MTUS2: variants seen among roughly 807,000 people sequenced by gnomAD.
MTUS2 encodes microtubule-associated tumor suppressor candidate 2.
MTUS2 carries 40 observed loss-of-function variants against 114.1 expected under a neutral mutation model. That is an observed-to-expected ratio of 0.35 (90% CI 0.27 to 0.46). MTUS2 has a LOEUF of 0.46. Ranked by LOEUF, MTUS2 falls within the 20% of genes least tolerant of loss-of-function variation. The pLI is 1.00. For synonymous variants in MTUS2, 688 were observed against 672.0 expected (o/e 1.02, Z -0.37); for missense variants, 1,679 against 1,705.4 (o/e 0.98, Z 0.27).
At chr13:29,229,969 G>A (rs12583806) in intron 5 of MTUS2, among the ~76,000 whole-genome samples, 99 of 152,284 alleles carry the variant, frequency 6.5e-4, no homozygotes, top group African/African-American at 2.1e-3. Flanking sequence ...GTATTGGGCC[G>A]GGCACAATGG....
rs1464004117 is a variant in MTUS2, at chr13:28,946,299, GTGTGT to G, written c.-242-78157_-242-78153del. On this transcript the variant is annotated intron_variant, in intron 2 of 15. Transcript: ENST00000612955. ...TGTGTGTGTGTGTGTGTGTGTGTGT[GTGTGT>G]GCGCGCGCACATACCTGCGTGCAAG... 2.8e-3 allele frequency among the ~76,000 whole-genome samples: 413 copies of G among 149,720 alleles called. 2 individuals carry two copies. Among genetic ancestry groups the G allele is most frequent in the African/African-American group, 9.8e-3 (389 of 39,580 alleles).
At chr13:28,962,444 C>G (rs1883373802) in intron 2 of MTUS2, among the ~76,000 whole-genome samples, 1 of 152,140 alleles carries the variant, frequency 6.6e-6, no homozygotes, top group African/African-American at 2.4e-5. Flanking sequence ...TGTATTCTCT[C>G]CTGAATTGCA....
intron 2 of MTUS2, among the ~76,000 whole-genome samples, chr13:28,860,698 G>A (rs1277996684): frequency 6.6e-6 from 1 of 152,156 alleles, no homozygotes; most frequent in Non-Finnish European, 1.5e-5. Flanking sequence ...TGTGTGTGCT[G>A]GATATTGGAG....
intron 1 of MTUS2, among the ~76,000 whole-genome samples, chr13:28,834,106 A>G (rs1303896886): frequency 1.3e-5 from 2 of 152,140 alleles, no homozygotes; most frequent in African/African-American, 2.4e-5. Flanking sequence ...TCCCATATTG[A>G]TCTGCAGATT....
chr13:29,499,441 A>G (rs986559674), intron 14 of MTUS2, among the ~76,000 whole-genome samples: 1 of 152,172 alleles, frequency 6.6e-6, no homozygotes, highest in African/African-American at 2.4e-5. Flanking sequence ...TATTATTGTT[A>G]CTTTAAAAAT....
chr13:29,092,451 G>A (rs1467078756), intron 4 of MTUS2, among the ~76,000 whole-genome samples: 3 of 152,156 alleles, frequency 2.0e-5, no homozygotes, highest in Admixed American at 6.5e-5. Flanking sequence ...GACCACCCTC[G>A]CATCCCCTCT....
intron 8 of MTUS2, among the ~76,000 whole-genome samples, chr13:29,434,803 C>T (rs1877288314): frequency 6.6e-6 from 1 of 152,188 alleles, no homozygotes. Context: ...TGGGCTTTGG[C>T]CACACATCTG....
At chr13:28,861,583 TA>T (rs1284076029) in intron 2 of MTUS2, among the ~76,000 whole-genome samples, 2 of 152,150 alleles carry the variant, frequency 1.3e-5, no homozygotes, top group Non-Finnish European at 2.9e-5. Context: ...TAGTTGCAGT[TA>T]CTTTAAGGCC....
intron 2 of MTUS2, among the ~76,000 whole-genome samples, chr13:29,009,140 T>A (rs552113629): frequency 6.7e-6 from 1 of 149,550 alleles, no homozygotes; most frequent in Admixed American, 6.6e-5. Flanking sequence ...ATTCCCTGTC[T>A]CTTTCTATAG....
At chr13:29,072,980 A>G (rs1286036054) in intron 4 of MTUS2, among the ~76,000 whole-genome samples, 2 of 152,170 alleles carry the variant, frequency 1.3e-5, no homozygotes, top group Non-Finnish European at 2.9e-5. Context: ...TTCTGTTGGT[A>G]GCACTTTGTC....
intron 2 of MTUS2, among the ~76,000 whole-genome samples, chr13:28,899,512 C>G (rs1879503814): frequency 6.6e-6 from 1 of 152,188 alleles, no homozygotes; most frequent in African/African-American, 2.4e-5. Context: ...CAGGTTCACG[C>G]CATTCTCCTG....
intron 2 of MTUS2, among the ~76,000 whole-genome samples, chr13:29,024,085 T>C (rs1242758983): frequency 3.9e-5 from 6 of 152,258 alleles, no homozygotes; most frequent in Admixed American, 2.0e-4. Context: ...TAATTATGAA[T>C]GTAGCGATTG....
At chr13:29,393,210 A>G (rs1473966120) in intron 8 of MTUS2, among the ~76,000 whole-genome samples, 1 of 152,162 alleles carries the variant, frequency 6.6e-6, no homozygotes, top group African/African-American at 2.4e-5. Flanking sequence ...GTTTCTACTG[A>G]TTCTTAGGGT....
chr13:28,848,511 G>A (rs186399471), intron 2 of MTUS2, among the ~76,000 whole-genome samples: 91 of 152,002 alleles, frequency 6.0e-4, no homozygotes, highest in Non-Finnish European at 6.5e-4. Flanking sequence ...AAACAAACTT[G>A]TTGGAATGTT....
At chr13:29,367,503 AG>A (rs1870815676) in intron 8 of MTUS2, among the ~76,000 whole-genome samples, 1 of 152,176 alleles carries the variant, frequency 6.6e-6, no homozygotes, top group African/African-American at 2.4e-5. Context: ...TGTTTTAGGA[AG>A]ATTAACGCAG....
chr13:29,481,354 T>A (rs570292322), intron 10 of MTUS2, among the ~76,000 whole-genome samples: 1 of 152,214 alleles, frequency 6.6e-6, no homozygotes, highest in South Asian at 2.1e-4. Flanking sequence ...GACGATTCAG[T>A]GTACCCCCCA....
At chr13:28,853,323 C>G (rs1352782370) in intron 2 of MTUS2, among the ~76,000 whole-genome samples, 1 of 152,238 alleles carries the variant, frequency 6.6e-6, no homozygotes, top group Non-Finnish European at 1.5e-5. Flanking sequence ...TTAAAGTGAT[C>G]TCTTGTTCTC....
At chr13:29,470,670 G>A (rs1880218899) in intron 9 of MTUS2, among the ~76,000 whole-genome samples, 2 of 152,356 alleles carry the variant, frequency 1.3e-5, no homozygotes, top group South Asian at 4.1e-4. Flanking sequence ...ACTTTCCACT[G>A]TTACCTGAGC....
chr13:29,099,915 T>A (rs931942240), intron 4 of MTUS2, among the ~76,000 whole-genome samples: 22 of 152,272 alleles, frequency 1.4e-4, no homozygotes, highest in African/African-American at 5.1e-4. Flanking sequence ...AGACTTAGAG[T>A]ATGGGGATGC....
Sources: allele counts gnomAD v4.1 joint callset (sites outside exome capture counted in the v4.1 genomes callset), GRCh38; gene constraint gnomAD v4.1.1; transcripts MANE v1.5; gene names NCBI Gene and HGNC (gene_info 2026-07-23, HGNC 2026-07-21).